The following IKZF3 variants were observed in gnomAD, a reference collection of about 807,000 sequenced individuals.
IKZF3 encodes the protein zinc finger protein Aiolos.
In IKZF3, 10 loss-of-function variants were observed where a neutral mutation model predicts 49.0. That is an observed-to-expected ratio of 0.20 (90% CI 0.13 to 0.35). The LOEUF is 0.35. Among genes scored for constraint, IKZF3 ranks in the 10% least tolerant of loss-of-function variants. The pLI is 1.00. For synonymous variants in IKZF3, 209 were observed against 228.2 expected (o/e 0.92, Z 0.76); for missense variants, 498 against 664.8 (o/e 0.75, Z 2.76).
chr17:39,823,550 C>T lies in IKZF3; in HGVS notation c.163+5837G>A, dbSNP rs562857047. 1.4e-4 allele frequency among the ~76,000 whole-genome samples: 21 copies of T among 152,278 alleles called. No individual in the cohort carries two copies. In the South Asian group the frequency reaches 3.9e-3, roughly 29 times the overall value. On this transcript the variant is annotated intron_variant, in intron 3 of 7. Transcript: ENST00000346872. ...CAAGGCATATCAGAGACCTTCACAG[C>T]GGCCCCTCCCATCACAGGCCCAAAG...
chr17:39,833,427 T>A (rs1004707902), intron 1 of IKZF3, among the ~76,000 whole-genome samples: 11 of 152,184 alleles, frequency 7.2e-5, no homozygotes, highest in Non-Finnish European at 1.0e-4. Context: ...CCCACCCACA[T>A]ACTCCAGAGA....
chr17:39,806,031 CT>C (rs926068514), intron 3 of IKZF3, among the ~76,000 whole-genome samples: 2 of 150,268 alleles, frequency 1.3e-5, no homozygotes, highest in African/African-American at 2.4e-5. Flanking sequence ...TGAATGACTT[CT>C]TTTTTTTTAA....
intron 3 of IKZF3, among the ~76,000 whole-genome samples, chr17:39,804,176 T>G (rs2061385178): frequency 6.6e-6 from 1 of 152,144 alleles, no homozygotes; most frequent in African/African-American, 2.4e-5. Flanking sequence ...TGGTGGCTCA[T>G]GCCTGTAATC....
At chr17:39,818,474 A>G (rs1206386146) in intron 3 of IKZF3, among the ~76,000 whole-genome samples, 1 of 152,228 alleles carries the variant, frequency 6.6e-6, no homozygotes, top group Non-Finnish European at 1.5e-5. Flanking sequence ...ATGGAACTGA[A>G]ACTGCAGAAA....
At chr17:39,854,083 G>A (rs1305039585) in intron 1 of IKZF3, among the ~76,000 whole-genome samples, 4 of 152,094 alleles carry the variant, frequency 2.6e-5, no homozygotes, top group African/African-American at 9.7e-5. Context: ...CCGAGATCAC[G>A]CCACTGCATT....
Position 39,853,445 on chromosome 17 carries a change from A to T in IKZF3, c.7+10675T>A, listed in dbSNP as rs574280328. On this transcript the variant is annotated intron_variant, in intron 1 of 7. Coordinates refer to ENST00000346872, the MANE Select transcript of IKZF3 (RefSeq NM_012481.5). ...TACGTTAAGTACATATGTGAAGATGACCCACCACTGATGCAATGTATGCTA... is the reference window on the plus strand; with the variant it reads ...TACGTTAAGTACATATGTGAAGATGTCCCACCACTGATGCAATGTATGCTA... Among the ~76,000 whole-genome samples, 16 of 152,338 alleles carry T rather than the reference A, an allele frequency of 1.1e-4. No homozygotes were observed. In the East Asian group the frequency reaches 2.9e-3, roughly 28 times the overall value.
intron 7 of IKZF3, among the ~76,000 whole-genome samples, chr17:39,773,760 A>C (rs1181526971): frequency 2.6e-5 from 4 of 152,212 alleles, no homozygotes; most frequent in Non-Finnish European, 5.9e-5. Context: ...TGAGCCAAGT[A>C]TTTGAGGATG....
chr17:39,802,436 G>A (rs983133443), intron 3 of IKZF3, among the ~76,000 whole-genome samples: 2 of 150,988 alleles, frequency 1.3e-5, no homozygotes, highest in Non-Finnish European at 3.0e-5. Flanking sequence ...GTAAGACCCT[G>A]TCTCTACAAA....
chr17:39,835,290 T>C (rs1351005674), intron 1 of IKZF3: 3 of 550,246 alleles, frequency 5.5e-6, no homozygotes, highest in South Asian at 1.5e-5. Context: ...CATCAGCTCC[T>C]GGTACTTGAG....
chr17:39,809,976 T>C (rs1016169916), intron 3 of IKZF3, among the ~76,000 whole-genome samples: 5 of 152,248 alleles, frequency 3.3e-5, no homozygotes, highest in Non-Finnish European at 5.9e-5. Context: ...AGACTTTACA[T>C]GCTTTGGTCA....
At chr17:39,847,719 G>A (rs1234202627) in intron 1 of IKZF3, among the ~76,000 whole-genome samples, 1 of 152,072 alleles carries the variant, frequency 6.6e-6, no homozygotes, top group African/African-American at 2.4e-5. Flanking sequence ...AATTCTGGAA[G>A]ATAAATAGGG....
chr17:39,835,908 T>G, intron 1 of IKZF3: 10 of 654,732 alleles, frequency 1.5e-5, no homozygotes, highest in South Asian at 1.4e-4. Context: ...CCCCTGCATG[T>G]TGCCAAGATC....
At chr17:39,766,572 A>G (rs1404606134) in intron 7 of IKZF3, 79 bp from the exon 8 acceptor site, 6 of 1,222,032 alleles carry the variant, frequency 4.9e-6, no homozygotes, top group South Asian at 2.8e-5. Context: ...AGAGACCTCA[A>G]AAAGGGAGGA....
At position 39,813,634 on chromosome 17, in the gene IKZF3, T is replaced by TA. The variant is rs796937179; in HGVS notation, c.163+15752dup. On this transcript the variant is annotated intron_variant, in intron 3 of 7. Coordinates refer to ENST00000346872, the MANE Select transcript of IKZF3 (RefSeq NM_012481.5). ...ACTCCAGCCTGGGTGACAGCGTGAT[T>TA]AAAAAAAAAAAAAGATTCAGGGAGA... Among the ~76,000 whole-genome samples the TA allele has an allele frequency of 3.5e-3, 501 of 142,440 alleles. 6 individuals are homozygous for TA. The highest frequency in any genetic ancestry group is 0.01 in the African/African-American group (402 of 38,966). 93.4% of individuals were successfully genotyped at this position (142,440 alleles called of 152,430 possible).
intron 1 of IKZF3, among the ~76,000 whole-genome samples, chr17:39,858,584 C>T (rs2063132766): frequency 6.6e-6 from 1 of 151,948 alleles, no homozygotes; most frequent in South Asian, 2.1e-4. Context: ...GATCTTGGCT[C>T]ACTGCAACCT....
At chr17:39,808,300 A>C (rs1394054932) in intron 3 of IKZF3, among the ~76,000 whole-genome samples, 1 of 152,198 alleles carries the variant, frequency 6.6e-6, no homozygotes, top group Non-Finnish European at 1.5e-5. Flanking sequence ...AGCTTGTTGA[A>C]AAACACAAGG....
intron 3 of IKZF3, among the ~76,000 whole-genome samples, chr17:39,796,904 C>CTTTGGG (rs2061178795): frequency 6.6e-6 from 1 of 150,752 alleles, no homozygotes; most frequent in Non-Finnish European, 1.5e-5. Context: ...GTGGCTCACA[C>CTTTGGG]CTGTAATTCC....
chr17:39,857,030 C>T (rs2063081075), intron 1 of IKZF3, among the ~76,000 whole-genome samples: 1 of 151,958 alleles, frequency 6.6e-6, no homozygotes, highest in Non-Finnish European at 1.5e-5. Context: ...TCAAGTTAGC[C>T]CGTGAAGCAC....
chr17:39,842,059 AC>A (rs199780835), intron 1 of IKZF3, among the ~76,000 whole-genome samples: 45,456 of 68,688 alleles, frequency 0.66, 13,614 homozygotes, highest in South Asian at 0.78. Flanking sequence ...AAAAAAAAAA[AC>A]CAGATAAAAT....
Sources: allele counts gnomAD v4.1 joint callset (sites outside exome capture counted in the v4.1 genomes callset), GRCh38; gene constraint gnomAD v4.1.1; transcripts MANE v1.5; gene names NCBI Gene and HGNC (gene_info 2026-07-23, HGNC 2026-07-21).